COL4A6: variants seen among roughly 807,000 people sequenced by gnomAD.
COL4A6 encodes collagen type IV alpha 6 chain, also known as collagen alpha-6(IV) chain.
A neutral mutation model predicts 126.7 loss-of-function variants in COL4A6; 59 were observed. The observed-to-expected ratio is 0.47, with a 90% CI of 0.38 to 0.58. COL4A6 has a LOEUF of 0.58. Among genes scored for constraint, COL4A6 ranks in the 20% least tolerant of loss-of-function variants. The pLI is 0.00. For synonymous variants in COL4A6, 547 were observed against 496.6 expected, an observed-to-expected ratio of 1.10 and a Z score of -1.35; for missense variants, 1,285 against 1,337.3, an observed-to-expected ratio of 0.96 and a Z score of 0.61.
chrX:108,355,868 G>A (rs2039948388), intron 2 of COL4A6, among the ~76,000 whole-genome samples: 1 of 111,835 alleles, frequency 8.9e-6, no homozygotes, highest in Admixed American at 9.5e-5. Flanking sequence ...GCTTTACGTA[G>A]TGAAGTTATT....
intron 3 of COL4A6, among the ~76,000 whole-genome samples, chrX:108,240,984 C>T (rs988516245): frequency 9.0e-6 from 1 of 110,740 alleles, no homozygotes; most frequent in African/African-American, 3.3e-5. Context: ...TGGGTAATAA[C>T]TGGGTGGGGG....
intron 7 of COL4A6, among the ~76,000 whole-genome samples, chrX:108,210,864 G>A (rs1216913717): frequency 3.6e-5 from 4 of 111,312 alleles, no homozygotes; most frequent in Admixed American, 9.6e-5. Context: ...AATCTTGTCC[G>A]GCTCTCCAGC....
At position 108,172,509 on chromosome X, in the gene COL4A6, C is replaced by T. The variant is rs758416196; in HGVS notation, c.3162G>A (p.Ser1054=). The change falls in exon 32 of 45, where the codon TCG becomes TCA. Residue 1054 remains serine, a synonymous_variant. Coordinates refer to ENST00000334504, the MANE Select transcript of COL4A6 (RefSeq NM_033641.4). ...GESGSQGIRG[S]PGLPGASGLP... is the part of the protein sequence containing the mutation. ...GACCAGATGCTCCTGGGAGTCCAGG[C>T]GACCCTCTGATACCTTGTGAACCCT... 3.4e-5 allele frequency: 41 copies of T among 1,203,985 alleles called. No homozygotes were observed. Among genetic ancestry groups the T allele is most frequent in the Non-Finnish European group, 4.4e-5 (39 of 892,369 alleles).
chrX:108,294,061 A>G (rs906279135), intron 3 of COL4A6, among the ~76,000 whole-genome samples: 6 of 112,114 alleles, frequency 5.4e-5, no homozygotes, highest in African/African-American at 1.9e-4. Context: ...ACTCTGTTTC[A>G]AGACATTGCA....
intron 3 of COL4A6, among the ~76,000 whole-genome samples, chrX:108,231,918 G>A (rs1421981787): frequency 1.8e-5 from 2 of 111,763 alleles, no homozygotes; most frequent in Non-Finnish European, 3.8e-5. Flanking sequence ...ATTTCTTCTG[G>A]TTCCACAATT....
At chrX:108,415,487 G>A (rs1370026300) in intron 2 of COL4A6, among the ~76,000 whole-genome samples, 1 of 112,119 alleles carries the variant, frequency 8.9e-6, no homozygotes, top group Non-Finnish European at 1.9e-5. Context: ...TTATCTGTTA[G>A]CAAGTTAATA....
At chrX:108,195,275 C>CTCT in intron 14 of COL4A6, 149 bp from the exon 15 acceptor site, 1 of 285,376 alleles carries the variant, frequency 3.5e-6, no homozygotes, top group Admixed American at 5.5e-5. Flanking sequence ...AGCTTAACGA[C>CTCT]TTTTTTTTTT....
intron 42 of COL4A6, 69 bp downstream of exon 42, chrX:108,161,550 C>A (rs899406784): frequency 1.1e-5 from 7 of 661,828 alleles, no homozygotes; most frequent in African/African-American, 9.0e-5. Flanking sequence ...GTTTTACTCA[C>A]CCCCAGCCTC....
chrX:108,192,582 T>G lies in COL4A6; in HGVS notation c.1073-2A>C, dbSNP rs762985591. 3 of 1,161,231 alleles carry G rather than the reference T, an allele frequency of 2.6e-6. No homozygotes were observed. The highest frequency in any genetic ancestry group is 6.0e-5 in the East Asian group (2 of 33,356). ...GTACACCAGGATCTCCAGGATTACC[T>G]GGCATTGTAATGAAAGAAAATAGTA... On this transcript the variant is annotated splice_acceptor_variant, in intron 17 of 44. Coordinates refer to ENST00000334504, the MANE Select transcript of COL4A6 (RefSeq NM_033641.4). LOFTEE classifies it high-confidence loss of function.
chrX:108,310,420 G>C (rs746226852), intron 3 of COL4A6, among the ~76,000 whole-genome samples: 1 of 111,907 alleles, frequency 8.9e-6, no homozygotes, highest in Non-Finnish European at 1.9e-5. Context: ...GAAGAATCAA[G>C]TGAGCTATGA....
chrX:108,179,822 C>T (rs2034629353), intron 25 of COL4A6, among the ~76,000 whole-genome samples: 1 of 107,372 alleles, frequency 9.3e-6, no homozygotes, highest in African/African-American at 3.4e-5. Context: ...GGAGGGGACC[C>T]TGGAGCACAT....
intron 3 of COL4A6, among the ~76,000 whole-genome samples, chrX:108,274,984 G>A (rs1356000806): frequency 9.0e-6 from 1 of 111,383 alleles, no homozygotes; most frequent in Non-Finnish European, 1.9e-5. Context: ...AGGTCATATA[G>A]GCGGGGGTGG....
At chrX:108,409,017 T>A (rs1424125175) in intron 2 of COL4A6, among the ~76,000 whole-genome samples, 1 of 112,358 alleles carries the variant, frequency 8.9e-6, no homozygotes, top group African/African-American at 3.2e-5. Context: ...TGTGGTTCTG[T>A]ATATGACTTC....
At position 108,219,777 on chromosome X, in the gene COL4A6, C is replaced by G. The variant is rs1393851653; in HGVS notation, c.280-35G>C. ...GGAGTAGGGAGAGGAATGTAAGACA[C>G]AATCCAACTGATGTTTGTTAGACTC... On this transcript the variant is annotated intron_variant, in intron 4 of 44. Coordinates refer to ENST00000334504, the MANE Select transcript of COL4A6 (RefSeq NM_033641.4). 3 of 1,125,905 alleles carry G rather than the reference C, an allele frequency of 2.7e-6. No homozygotes were observed. The Admixed American group carries it at 6.6e-5, about 25-fold the overall frequency. 92.8% of individuals were successfully genotyped at this position (1,125,905 alleles called of 1,213,427 possible). A position where few individuals can be genotyped will look rare whatever the true frequency, so the allele number is the denominator to read the frequency against.
intron 31 of COL4A6, among the ~76,000 whole-genome samples, chrX:108,173,945 G>T (rs1330814377): frequency 1.8e-5 from 2 of 112,649 alleles, no homozygotes. Flanking sequence ...AAAACGTCAA[G>T]AAGTTTTTAC....
chrX:108,164,873 G>C lies in COL4A6; in HGVS notation c.3970+4C>G. 2 of 1,198,757 alleles carry C rather than the reference G, an allele frequency of 1.7e-6. No individual in the cohort carries two copies. The highest frequency in any genetic ancestry group is 2.3e-6 in the Non-Finnish European group (2 of 887,879). ...GGGCCCAGCAGCCAGCCGAGCAGCC[G>C]TACCTTTCAGTCCTAGCTCTCCAGG... On this transcript the variant is annotated splice_donor_region_variant and intron_variant, in intron 39 of 44. Coordinates refer to ENST00000334504, the MANE Select transcript of COL4A6 (RefSeq NM_033641.4).
At chrX:108,160,766 T>A in intron 42 of COL4A6, 112 bp from the exon 43 acceptor site, 1 of 691,070 alleles carries the variant, frequency 1.4e-6, no homozygotes, top group Non-Finnish European at 2.0e-6. Flanking sequence ...ATTATCTCAC[T>A]CAATCCTCAC....
At chrX:108,210,375 A>AT (rs2148222752) in intron 7 of COL4A6, among the ~76,000 whole-genome samples, 1 of 112,258 alleles carries the variant, frequency 8.9e-6, no homozygotes, top group African/African-American at 3.2e-5. Context: ...GTGTGCCTTC[A>AT]TCCCCAAAGA....
chrX:108,320,602 T>A (rs894307387), intron 2 of COL4A6, among the ~76,000 whole-genome samples: 1 of 111,527 alleles, frequency 9.0e-6, no homozygotes, highest in Non-Finnish European at 1.9e-5. Flanking sequence ...GTTTTAGGAT[T>A]GTGACTATGT....
Sources: allele counts gnomAD v4.1 joint callset (sites outside exome capture counted in the v4.1 genomes callset), GRCh38; gene constraint gnomAD v4.1.1; transcripts MANE v1.5; gene names NCBI Gene and HGNC (gene_info 2026-07-23, HGNC 2026-07-21).